MBTD1: variants seen among roughly 807,000 people sequenced by gnomAD.
MBTD1 encodes the protein MBT domain-containing protein 1.
Under a neutral mutation model 87.8 loss-of-function variants are expected in MBTD1, and 24 were observed. The observed-to-expected ratio is 0.27, with a 90% CI of 0.20 to 0.38. The LOEUF (loss-of-function observed/expected upper bound fraction) is 0.38. MBTD1 is among the 10% of genes least tolerant of loss of function. The pLI is 1.00. For missense variants in MBTD1, 436 were observed against 760.2 expected (o/e 0.57, Z 5.02); for synonymous variants, 237 against 248.6 (o/e 0.95, Z 0.44).
At chr17:51,192,311 G>A (rs1256145103) in intron 15 of MBTD1, 31 bp from the exon 16 acceptor site, 1 of 1,443,164 alleles carries the variant, frequency 6.9e-7, no homozygotes, top group Admixed American at 2.0e-5. Context: ...ATTGGTACTA[G>A]ATAATTGTTT....
At chr17:51,255,757 C>G (rs546218753) in intron 2 of MBTD1, among the ~76,000 whole-genome samples, 3 of 152,108 alleles carry the variant, frequency 2.0e-5, no homozygotes, top group African/African-American at 7.2e-5. Context: ...GCCACCACAC[C>G]TAATTTTTGT....
At chr17:51,180,973 TG>T (rs2050278607) in intron 16 of MBTD1, among the ~76,000 whole-genome samples, 1 of 152,062 alleles carries the variant, frequency 6.6e-6, no homozygotes, top group African/African-American at 2.4e-5. Context: ...TTTATGTCAA[TG>T]TTTGTACAAA....
intron 3 of MBTD1, among the ~76,000 whole-genome samples, chr17:51,221,792 G>GT (rs1313636352): frequency 6.6e-6 from 1 of 152,146 alleles, no homozygotes; most frequent in African/African-American, 2.4e-5. Flanking sequence ...AAGGATGTGC[G>GT]TAAGTTATAT....
chr17:51,234,675 C>T (rs1051707186), intron 2 of MBTD1, among the ~76,000 whole-genome samples: 3 of 152,118 alleles, frequency 2.0e-5, no homozygotes, highest in Admixed American at 2.0e-4. Flanking sequence ...TTAGGAAATA[C>T]TACAGACTTT....
At chr17:51,226,650 A>C (rs780210860) in intron 2 of MBTD1, among the ~76,000 whole-genome samples, 3 of 150,548 alleles carry the variant, frequency 2.0e-5, no homozygotes, top group Non-Finnish European at 3.0e-5. Context: ...TCTTTTTTTG[A>C]TGACAGAGTC....
intron 2 of MBTD1, among the ~76,000 whole-genome samples, chr17:51,242,898 C>T (rs993786335): frequency 7.2e-5 from 11 of 152,156 alleles, no homozygotes; most frequent in Non-Finnish European, 1.2e-4. Context: ...GGAAATCATT[C>T]CATTTCAGTG....
intron 3 of MBTD1, 98 bp downstream of exon 3, chr17:51,224,910 T>G: frequency 2.8e-6 from 2 of 718,608 alleles, no homozygotes; most frequent in Non-Finnish European, 4.1e-6. Flanking sequence ...AAACTGCCCC[T>G]TAATAATTCT....
upstream of MBTD1, chr17:51,260,528 G>T: frequency 4.5e-6 from 7 of 1,544,902 alleles, no homozygotes; most frequent in Non-Finnish European, 6.1e-6. Context: ...CGAGGGGCCT[G>T]GGCGCATGCG....
In MBTD1 at chr17:51,203,961, A is replaced by G. The variant is rs779284192; in HGVS notation, c.605-36T>C. On this transcript the variant is annotated intron_variant, in intron 7 of 16. Coordinates refer to ENST00000586178, the MANE Select transcript of MBTD1 (RefSeq NM_017643.3). ...GAAATAAATCACTACATAATAAGAA[A>G]ATAAAATTAAATAAAACAATACAGC... 6.1e-6 allele frequency: 9 copies of G among 1,485,370 alleles called. No homozygotes were observed. The Admixed American group carries it at 1.9e-4, about 31-fold the overall frequency. The allele number at this position is 1,485,370 out of a possible 1,614,324, so 92.0% of individuals were successfully genotyped here. A position where few individuals can be genotyped will look rare whatever the true frequency, so the allele number is the denominator to read the frequency against.
chr17:51,189,570 CCTA>C (rs1384250586), intron 16 of MBTD1, among the ~76,000 whole-genome samples: 2 of 152,158 alleles, frequency 1.3e-5, no homozygotes, highest in Non-Finnish European at 2.9e-5. Context: ...AGAAACAAAT[CCTA>C]CAAGAGTCAC....
chr17:51,226,400 C>T (rs1287262068), intron 2 of MBTD1, among the ~76,000 whole-genome samples: 1 of 150,874 alleles, frequency 6.6e-6, no homozygotes, highest in East Asian at 2.1e-4. Flanking sequence ...TCTGTAGTCC[C>T]AGCTATGTGG....
At chr17:51,202,100 A>C (rs2051524490) in intron 10 of MBTD1, 23 bp from the exon 11 acceptor site, 1 of 1,498,674 alleles carries the variant, frequency 6.7e-7, no homozygotes, top group South Asian at 1.1e-5. Context: ...GTTACACACT[A>C]ATCTGTCAGC....
At chr17:51,199,038 C>T (rs1296701621) in intron 12 of MBTD1, among the ~76,000 whole-genome samples, 3 of 152,148 alleles carry the variant, frequency 2.0e-5, no homozygotes, top group African/African-American at 7.2e-5. Context: ...TCAAGTGATC[C>T]ACCTGCCTTG....
intron 6 of MBTD1, among the ~76,000 whole-genome samples, chr17:51,212,309 G>C (rs1158044555): frequency 6.7e-6 from 1 of 149,262 alleles, no homozygotes; most frequent in East Asian, 2.0e-4. Context: ...AGTGAGTCGA[G>C]ATCACACCAC....
intron 2 of MBTD1, among the ~76,000 whole-genome samples, chr17:51,238,926 CCT>C (rs1345020352): frequency 1.3e-5 from 2 of 151,858 alleles, no homozygotes; most frequent in Non-Finnish European, 2.9e-5. Flanking sequence ...ATGGTAAAAC[CCT>C]GTCTCTACTA....
intron 11 of MBTD1, 77 bp from the exon 12 acceptor site, chr17:51,201,773 A>C (rs1464840451): frequency 9.6e-7 from 1 of 1,043,732 alleles, no homozygotes; most frequent in Non-Finnish European, 1.5e-6. Context: ...CAATGTGAAA[A>C]GATTTACCAG....
intron 6 of MBTD1, among the ~76,000 whole-genome samples, 167 bp downstream of exon 6, chr17:51,217,167 C>G (rs138513500): frequency 1.3e-5 from 2 of 152,094 alleles, no homozygotes; most frequent in Admixed American, 1.3e-4. Flanking sequence ...ACAAAACTTA[C>G]AGAAGTTCTT....
At chr17:51,252,623 A>G (rs970965825) in intron 2 of MBTD1, among the ~76,000 whole-genome samples, 2 of 152,040 alleles carry the variant, frequency 1.3e-5, no homozygotes, top group Non-Finnish European at 2.9e-5. Flanking sequence ...TAGTCCAGCT[A>G]CCAGGGAGGC....
intron 1 of MBTD1, among the ~76,000 whole-genome samples, chr17:51,259,447 C>A (rs955699316): frequency 6.6e-6 from 1 of 152,156 alleles, no homozygotes; most frequent in Non-Finnish European, 1.5e-5. Flanking sequence ...ACTGTGCTCC[C>A]CCTCCCCGCC....
Sources: gnomAD v4.1 joint callset for allele counts (sites outside exome capture counted in the v4.1 genomes callset) on GRCh38, gnomAD v4.1.1 for gene constraint, MANE v1.5 for transcripts, NCBI Gene and HGNC (gene_info 2026-07-23, HGNC 2026-07-21) for gene names.